GRIK2: variants seen among roughly 807,000 people sequenced by gnomAD.
GRIK2 encodes glutamate receptor ionotropic, kainate 2.
A neutral mutation model predicts 100.3 loss-of-function variants in GRIK2; 32 were observed. That is an observed-to-expected ratio of 0.32 (90% CI 0.24 to 0.43). The LOEUF (loss-of-function observed/expected upper bound fraction) is 0.43, where lower values mean the gene tolerates loss of function less well. Among genes scored for constraint, GRIK2 ranks in the 20% least tolerant of loss-of-function variants. GRIK2 has a pLI of 1.00. For missense variants in GRIK2, 843 were observed against 1,114.9 expected (o/e 0.76, Z 3.47); for synonymous variants, 417 against 389.4 (o/e 1.07, Z -0.83).
At chr6:101,670,823 C>T (rs1348360673) in intron 4 of GRIK2, among the ~76,000 whole-genome samples, 1 of 152,104 alleles carries the variant, frequency 6.6e-6, no homozygotes, top group Non-Finnish European at 1.5e-5. Flanking sequence ...TACTGAGAGT[C>T]TAATATATGC....
rs1048166372 is a variant in GRIK2, at chr6:101,676,481, A to G, written c.542-142A>G. On this transcript the variant is annotated intron_variant, in intron 4 of 16. Transcript: ENST00000369134. Reference sequence around the variant, plus strand: ...CGTATCAAACTATCTCATGTAGTTTATAATATACAAACCTATGTAACCACA... The same window carrying G: ...CGTATCAAACTATCTCATGTAGTTTGTAATATACAAACCTATGTAACCACA... 9.9e-6 allele frequency: 5 copies of G among 507,546 alleles called. No individual in the cohort carries two copies. In the South Asian group the frequency reaches 2.0e-4, roughly 20 times the overall value. The allele number at this position is 507,546 out of a possible 1,614,324, so 31.4% of individuals were successfully genotyped here. A position where few individuals can be genotyped will look rare whatever the true frequency, so the allele number is the denominator to read the frequency against.
intron 2 of GRIK2, among the ~76,000 whole-genome samples, chr6:101,519,071 G>T (rs1774736525): frequency 6.6e-6 from 1 of 152,130 alleles, no homozygotes; most frequent in Non-Finnish European, 1.5e-5. Context: ...TTGTTCAAAA[G>T]ATTTTAATGG....
intron 12 of GRIK2, among the ~76,000 whole-genome samples, chr6:101,911,995 C>T (rs2518276): frequency 0.86 from 128,405 of 150,028 alleles, 55,098 homozygotes; most frequent in East Asian, 0.94. Flanking sequence ...AGATAATAAA[C>T]TTGTGGGTTA....
At chr6:101,606,722 C>G (rs1200382636) in intron 2 of GRIK2, among the ~76,000 whole-genome samples, 6 of 151,836 alleles carry the variant, frequency 4.0e-5, no homozygotes, top group Non-Finnish European at 5.9e-5. Context: ...TTTGTATTAG[C>G]ACTTAAATAT....
intron 7 of GRIK2, among the ~76,000 whole-genome samples, chr6:101,781,242 G>A (rs1301149461): frequency 3.3e-5 from 5 of 151,722 alleles, no homozygotes; most frequent in Admixed American, 2.6e-4. Context: ...CTAATAATTG[G>A]TCACAATCAG....
At chr6:101,437,407 A>G (rs983960418) in intron 2 of GRIK2, among the ~76,000 whole-genome samples, 1 of 152,128 alleles carries the variant, frequency 6.6e-6, no homozygotes. Flanking sequence ...AACTGCCAAC[A>G]ACGGTGTGAA....
At chr6:101,407,468 G>A (rs972141946) in intron 2 of GRIK2, among the ~76,000 whole-genome samples, 2 of 152,050 alleles carry the variant, frequency 1.3e-5, no homozygotes, top group African/African-American at 2.4e-5. Flanking sequence ...TTTCAGTGTA[G>A]CCTCTGACTC....
chr6:101,489,544 G>A (rs934371175), intron 2 of GRIK2, among the ~76,000 whole-genome samples: 2 of 146,090 alleles, frequency 1.4e-5, no homozygotes, highest in African/African-American at 5.2e-5. Context: ...TGCCAACTAT[G>A]ATAACATAGT....
intron 7 of GRIK2, among the ~76,000 whole-genome samples, chr6:101,783,813 C>T (rs543962788): frequency 3.3e-5 from 5 of 152,242 alleles, no homozygotes; most frequent in African/African-American, 1.2e-4. Context: ...TGCCCCTGCC[C>T]TCTGTGGAAC....
intron 2 of GRIK2, among the ~76,000 whole-genome samples, chr6:101,469,625 T>C (rs181439297): frequency 6.6e-6 from 1 of 152,344 alleles, no homozygotes; most frequent in African/African-American, 2.4e-5. Context: ...GGCCTCATTC[T>C]TCTCCAGTCA....
At chr6:101,631,940 G>A in intron 4 of GRIK2, among the ~76,000 whole-genome samples, 1 of 152,010 alleles carries the variant, frequency 6.6e-6, no homozygotes, top group East Asian at 1.9e-4. Flanking sequence ...TTAGTGTGAT[G>A]TAGCCCCTAT....
At chr6:101,656,438 AAAAAT>A (rs1769183940) in intron 4 of GRIK2, among the ~76,000 whole-genome samples, 1 of 152,160 alleles carries the variant, frequency 6.6e-6, no homozygotes, top group African/African-American at 2.4e-5. Flanking sequence ...AGAAATTAAA[AAAAAT>A]GATTTATGCT....
Position 101,464,497 on chromosome 6 carries a change from CTTTTTTTTTTTTTTTTTTTTTT to C in GRIK2, c.115+65122_115+65143del, listed in dbSNP as rs71028069. Among the ~76,000 whole-genome samples the C allele has an allele frequency of 2.3e-3, 142 of 62,038 alleles. 1 individual carries two copies. Among genetic ancestry groups the C allele is most frequent in the Admixed American group, 3.9e-3 (18 of 4,632 alleles). 40.7% of individuals were successfully genotyped at this position (62,038 alleles called of 152,430 possible). ...TAATTTTTACCTTTTCTTTTTCTTT[CTTTTTTTTTTTTTTTTTTTTTT>C]TTTTTTTTTTTTTTTTGAGACAGAG... On this transcript the variant is annotated intron_variant, in intron 2 of 16. Transcript: ENST00000369134.
chr6:101,760,113 C>A (rs1777411935), intron 7 of GRIK2, among the ~76,000 whole-genome samples: 1 of 145,232 alleles, frequency 6.9e-6, no homozygotes, highest in Non-Finnish European at 1.5e-5. Context: ...TCATGATCCA[C>A]CCGCCTCGGC....
In GRIK2 at chr6:101,560,380, T is replaced by A. The variant is rs1043598377; in HGVS notation, c.116-61569T>A. ...ATTTGTAGTAAAAATATATTTTAGG[T>A]TTTTAGGGTTAGTGATCTGTGAGTG... On this transcript the variant is annotated intron_variant, in intron 2 of 16. Coordinates refer to ENST00000369134, the MANE Select transcript of GRIK2 (RefSeq NM_021956.5). Among the ~76,000 whole-genome samples, 16 of 152,146 alleles carry A rather than the reference T, an allele frequency of 1.1e-4. No individual in the cohort carries two copies. In the South Asian group the frequency reaches 1.5e-3, roughly 14 times the overall value.
chr6:101,886,146 T>A (rs1329798473), intron 11 of GRIK2, among the ~76,000 whole-genome samples: 1 of 152,200 alleles, frequency 6.6e-6, no homozygotes, highest in East Asian at 1.9e-4. Flanking sequence ...CTGGATGTCA[T>A]ATAATTGGAA....
intron 7 of GRIK2, among the ~76,000 whole-genome samples, chr6:101,715,111 T>G (rs1443517325): frequency 6.6e-6 from 1 of 151,732 alleles, no homozygotes; most frequent in Non-Finnish European, 1.5e-5. Flanking sequence ...ATAAGTAAAA[T>G]TTAGAAATGT....
At chr6:101,610,436 A>G (rs1779620731) in intron 2 of GRIK2, among the ~76,000 whole-genome samples, 1 of 151,854 alleles carries the variant, frequency 6.6e-6, no homozygotes, top group Non-Finnish European at 1.5e-5. Context: ...TCATCTTTCT[A>G]AACTCAAAAC....
intron 10 of GRIK2, among the ~76,000 whole-genome samples, chr6:101,826,362 A>G (rs546284846): frequency 4.6e-5 from 7 of 152,040 alleles, no homozygotes; most frequent in African/African-American, 1.7e-4. Context: ...GCAAAAATCT[A>G]TTGAGGAATG....
Sources: allele counts gnomAD v4.1 joint callset (sites outside exome capture counted in the v4.1 genomes callset), GRCh38; gene constraint gnomAD v4.1.1; transcripts MANE v1.5; gene names NCBI Gene and HGNC (gene_info 2026-07-23, HGNC 2026-07-21).